Variants in PRKCA observed in about 807,000 individuals in gnomAD.
PRKCA encodes the protein protein kinase C alpha type.
PRKCA carries 27 observed loss-of-function variants against 87.0 expected under a neutral mutation model. The observed-to-expected ratio is 0.31, with a 90% confidence interval of 0.23 to 0.43. The LOEUF (loss-of-function observed/expected upper bound fraction) is 0.43, where lower values mean the gene tolerates loss of function less well. PRKCA is among the 20% of genes least tolerant of loss of function. PRKCA has a pLI of 1.00. For missense variants in PRKCA, 518 were observed against 852.3 expected (o/e 0.61, Z 4.88); for synonymous variants, 329 against 311.1 (o/e 1.06, Z -0.61).
At chr17:66,592,616 A>G (rs2143547776) in intron 3 of PRKCA, among the ~76,000 whole-genome samples, 1 of 152,288 alleles carries the variant, frequency 6.6e-6, no homozygotes, top group Admixed American at 6.5e-5. Flanking sequence ...GATCACACTC[A>G]GGCAAGACTG....
rs190521668 is a variant in PRKCA, at chr17:66,506,696, G to A, written c.288+10413G>A. On this transcript the variant is annotated intron_variant, in intron 3 of 16. Coordinates refer to ENST00000413366, the MANE Select transcript of PRKCA (RefSeq NM_002737.3). ...GGGGGTGTGGGGGAACACACCTGAT[G>A]GGCTTTTCTGTTTTTCCCAGTAACT... is the stretch of plus-strand genomic sequence containing the variant. Among the ~76,000 whole-genome samples the A allele has an allele frequency of 9.5e-4, 144 of 152,228 alleles. 1 individual carries two copies. In the Middle Eastern group the frequency reaches 0.02, roughly 22 times the overall value.
At chr17:66,524,771 A>C (rs1967288778) in intron 3 of PRKCA, among the ~76,000 whole-genome samples, 1 of 152,160 alleles carries the variant, frequency 6.6e-6, no homozygotes, top group South Asian at 2.1e-4. Flanking sequence ...GCCCCAGGTG[A>C]GGAGGAGTCT....
intron 8 of PRKCA, among the ~76,000 whole-genome samples, chr17:66,695,955 A>G (rs1001652438): frequency 6.6e-6 from 1 of 152,250 alleles, no homozygotes; most frequent in Non-Finnish European, 1.5e-5. Flanking sequence ...CTAAAGGGAA[A>G]TACTTTTAAA....
At chr17:66,757,714 G>T (rs559051515) in intron 13 of PRKCA, among the ~76,000 whole-genome samples, 2 of 152,086 alleles carry the variant, frequency 1.3e-5, no homozygotes, top group African/African-American at 4.8e-5. Flanking sequence ...AATGTTAAAA[G>T]AATTTTTTTT....
At chr17:66,486,633 G>T (rs569292755) in intron 2 of PRKCA, among the ~76,000 whole-genome samples, 1 of 151,870 alleles carries the variant, frequency 6.6e-6, no homozygotes, top group South Asian at 2.1e-4. Context: ...TCCAGGACTC[G>T]CCTTGCAGTT....
At chr17:66,545,234 C>T (rs1968109625) in intron 3 of PRKCA, among the ~76,000 whole-genome samples, 1 of 152,108 alleles carries the variant, frequency 6.6e-6, no homozygotes, top group Non-Finnish European at 1.5e-5. Flanking sequence ...CGAGACCATC[C>T]TGGCTAACAC....
Position 66,587,889 on chromosome 17 carries a change from G to GTATA in PRKCA, c.289-53465_289-53464insATAT, listed in dbSNP as rs1231113103. On this transcript the variant is annotated intron_variant, in intron 3 of 16. Transcript: ENST00000413366. ...TATGTATGTGTGTGTGTGTGTGTGT[G>GTATA]TGTGTGTATATATATATATATATAT... Among the ~76,000 whole-genome samples the GTATA allele has an allele frequency of 1.3e-3, 122 of 94,218 alleles. 4 individuals are homozygous for GTATA. The highest frequency in any genetic ancestry group is 1.2e-3 in the Non-Finnish European group (60 of 49,314). 61.8% of individuals were successfully genotyped at this position (94,218 alleles called of 152,430 possible).
chr17:66,303,721 G>C (rs551174999), intron 1 of PRKCA, among the ~76,000 whole-genome samples: 1 of 152,054 alleles, frequency 6.6e-6, no homozygotes, highest in Admixed American at 6.5e-5. Context: ...AGACCCTGTC[G>C]GCCAGGCGCG....
At chr17:66,557,755 T>C (rs1968545310) in intron 3 of PRKCA, among the ~76,000 whole-genome samples, 1 of 152,204 alleles carries the variant, frequency 6.6e-6, no homozygotes, top group Admixed American at 6.5e-5. Context: ...CCTAGAATTT[T>C]TTGCCAGTAC....
At chr17:66,482,808 T>C (rs1915843332) in intron 2 of PRKCA, among the ~76,000 whole-genome samples, 1 of 152,240 alleles carries the variant, frequency 6.6e-6, no homozygotes. Flanking sequence ...TTAAACTCAT[T>C]TATAATCATG....
intron 13 of PRKCA, among the ~76,000 whole-genome samples, chr17:66,761,364 G>A (rs552906199): frequency 8.1e-5 from 11 of 136,642 alleles, no homozygotes; most frequent in South Asian, 2.3e-4. Flanking sequence ...GCAAGACTCC[G>A]TCTCAAAAAA....
At chr17:66,335,072 A>G (rs879731932) in intron 2 of PRKCA, among the ~76,000 whole-genome samples, 37 of 152,144 alleles carry the variant, frequency 2.4e-4, no homozygotes, top group Admixed American at 7.9e-4. Context: ...ACTCATGGAG[A>G]CAGAAAGTAG....
intron 3 of PRKCA, among the ~76,000 whole-genome samples, chr17:66,558,510 C>G (rs938628632): frequency 6.6e-6 from 1 of 152,030 alleles, no homozygotes; most frequent in Non-Finnish European, 1.5e-5. Context: ...GCACCCGGGG[C>G]AAAGGGGGAC....
intron 3 of PRKCA, among the ~76,000 whole-genome samples, chr17:66,542,407 T>C (rs1012023417): frequency 6.6e-6 from 1 of 152,028 alleles, no homozygotes; most frequent in African/African-American, 2.4e-5. Flanking sequence ...ACCCAGAGCA[T>C]AGAAGTCGCA....
At chr17:66,751,414 C>T (rs1055756952) in intron 13 of PRKCA, among the ~76,000 whole-genome samples, 14 of 152,316 alleles carry the variant, frequency 9.2e-5, no homozygotes, top group South Asian at 2.1e-4. Flanking sequence ...ATGCCATCCA[C>T]GGCCAGTTGC....
Position 66,473,362 on chromosome 17 carries a change from A to C in PRKCA, c.206-22839A>C, listed in dbSNP as rs539224813. Among the ~76,000 whole-genome samples, 3 of 151,296 alleles carry C rather than the reference A, an allele frequency of 2.0e-5. No homozygotes were observed. The South Asian group carries it at 6.3e-4, about 32-fold the overall frequency. Reference sequence around the variant, plus strand: ...TCGCCCTGGCTTGCTCACATGAAACACTCTCCTACCCATCTCTTCCTTTCA... The same window carrying C: ...TCGCCCTGGCTTGCTCACATGAAACCCTCTCCTACCCATCTCTTCCTTTCA... On this transcript the variant is annotated intron_variant, in intron 2 of 16. Coordinates refer to ENST00000413366, the MANE Select transcript of PRKCA (RefSeq NM_002737.3).
intron 2 of PRKCA, among the ~76,000 whole-genome samples, chr17:66,435,607 A>G (rs1913342855): frequency 6.6e-6 from 1 of 152,114 alleles, no homozygotes; most frequent in Non-Finnish European, 1.5e-5. Context: ...GTGTGTGCAA[A>G]TTTGGTGGGG....
At chr17:66,781,919 AGTGAGT>A (rs1975239816) in intron 14 of PRKCA, among the ~76,000 whole-genome samples, 1 of 132,270 alleles carries the variant, frequency 7.6e-6, no homozygotes, top group Non-Finnish European at 1.6e-5. Flanking sequence ...TGTGTGTGTG[AGTGAGT>A]GTGAGTGTGA....
chr17:66,608,968 C>T (rs1970280429), intron 3 of PRKCA, among the ~76,000 whole-genome samples: 1 of 152,204 alleles, frequency 6.6e-6, no homozygotes, highest in African/African-American at 2.4e-5. Flanking sequence ...GCCTCTCCCC[C>T]TTAACAGGTG....
Sources: gnomAD v4.1 joint callset for allele counts (sites outside exome capture counted in the v4.1 genomes callset) on GRCh38, gnomAD v4.1.1 for gene constraint, MANE v1.5 for transcripts, NCBI Gene and HGNC (gene_info 2026-07-23, HGNC 2026-07-21) for gene names.